Variants in CTNND2 observed in about 807,000 individuals in gnomAD.
CTNND2 encodes the protein catenin delta-2.
CTNND2 carries 22 observed loss-of-function variants against 144.4 expected under a neutral mutation model. That is an observed-to-expected ratio of 0.15 (90% CI 0.11 to 0.22). CTNND2 has a LOEUF of 0.22. Ranked by LOEUF, CTNND2 falls within the 10% of genes least tolerant of loss-of-function variation. CTNND2 has a pLI of 1.00. For missense variants in CTNND2, 1,353 were observed against 1,618.8 expected (o/e 0.84, Z 2.82); for synonymous variants, 751 against 695.6 (o/e 1.08, Z -1.25).
intron 15 of CTNND2, among the ~76,000 whole-genome samples, chr5:11,093,088 A>T (rs1750942813): frequency 6.6e-6 from 1 of 152,248 alleles, no homozygotes; most frequent in Admixed American, 6.5e-5. Flanking sequence ...ATAGATTAAC[A>T]TCCAAGTCTC....
intron 9 of CTNND2, among the ~76,000 whole-genome samples, chr5:11,343,392 G>A (rs527254564): frequency 1.1e-4 from 16 of 152,182 alleles, no homozygotes; most frequent in East Asian, 3.9e-4. Context: ...GGTAGATGCC[G>A]GAAATGAAAA....
chr5:11,637,406 TA>T (rs1271479135), intron 2 of CTNND2, among the ~76,000 whole-genome samples: 3 of 152,236 alleles, frequency 2.0e-5, no homozygotes, highest in Non-Finnish European at 1.5e-5. Flanking sequence ...AAATGTAAGT[TA>T]AAAATAATTT....
chr5:11,268,629 A>G (rs1054520485), intron 9 of CTNND2, among the ~76,000 whole-genome samples: 5 of 152,218 alleles, frequency 3.3e-5, no homozygotes, highest in African/African-American at 1.2e-4. Context: ...TAACATAAAA[A>G]TAACATAGCA....
At chr5:11,738,223 T>G (rs1192740339) in intron 1 of CTNND2, among the ~76,000 whole-genome samples, 1 of 152,214 alleles carries the variant, frequency 6.6e-6, no homozygotes, top group Non-Finnish European at 1.5e-5. Flanking sequence ...TACCCCATTG[T>G]ATGAAATAAG....
intron 1 of CTNND2, among the ~76,000 whole-genome samples, chr5:11,781,267 A>G (rs1790530139): frequency 1.3e-5 from 2 of 152,280 alleles, no homozygotes; most frequent in East Asian, 1.9e-4. Context: ...CTTCAGCCCA[A>G]TTAAAAAAAA....
At chr5:11,871,221 A>G (rs558286117) in intron 1 of CTNND2, among the ~76,000 whole-genome samples, 1 of 152,336 alleles carries the variant, frequency 6.6e-6, no homozygotes, top group East Asian at 1.9e-4. Flanking sequence ...TTCCAAGTCT[A>G]TGGTAACTTG....
rs11744830 is a variant in CTNND2 at position 11,281,185 on chromosome 5, T to C, written c.1629-44362A>G. On this transcript the variant is annotated intron_variant, in intron 9 of 21. Transcript: ENST00000304623. ...TCCTTGGGTAAATGGTTTCTTCACC[T>C]TTAGGAAATAATTGCAGAAGCCCAG... 9.1e-3 allele frequency among the ~76,000 whole-genome samples: 1,386 copies of C among 152,282 alleles called. 14 individuals are homozygous for C. The highest frequency in any genetic ancestry group is 0.037 in the Middle Eastern group (11 of 294).
chr5:11,060,560 C>T (rs1746850034), intron 16 of CTNND2, among the ~76,000 whole-genome samples: 1 of 152,198 alleles, frequency 6.6e-6, no homozygotes, highest in Non-Finnish European at 1.5e-5. Context: ...TGATCAGTCT[C>T]AACTGATTGG....
At chr5:11,443,351 G>A (rs1326075976) in intron 3 of CTNND2, among the ~76,000 whole-genome samples, 1 of 58,576 alleles carries the variant, frequency 1.7e-5, no homozygotes, top group Non-Finnish European at 2.8e-5. Flanking sequence ...GGGAGTGTGT[G>A]GGAGGGTGTG....
At chr5:11,246,791 G>A (rs943315259) in intron 9 of CTNND2, among the ~76,000 whole-genome samples, 31 of 152,076 alleles carry the variant, frequency 2.0e-4, no homozygotes, top group Admixed American at 7.9e-4. Context: ...AGGTGACACC[G>A]GAGCTGAGTG....
intron 3 of CTNND2, among the ~76,000 whole-genome samples, chr5:11,415,512 G>T (rs578073601): frequency 6.6e-6 from 1 of 152,206 alleles, no homozygotes; most frequent in Non-Finnish European, 1.5e-5. Context: ...AGGTCAACAT[G>T]GGAAGATTCT....
intron 14 of CTNND2, among the ~76,000 whole-genome samples, chr5:11,104,188 A>G (rs984719688): frequency 6.6e-6 from 1 of 152,250 alleles, no homozygotes; most frequent in African/African-American, 2.4e-5. Context: ...GTGCAGGCTC[A>G]CTTTCATTTT....
intron 1 of CTNND2, among the ~76,000 whole-genome samples, chr5:11,734,538 A>G (rs1787574028): frequency 6.6e-6 from 1 of 152,222 alleles, no homozygotes; most frequent in African/African-American, 2.4e-5. Context: ...TTAACTGAGG[A>G]TATTTACCAA....
intron 3 of CTNND2, among the ~76,000 whole-genome samples, chr5:11,417,946 A>C (rs1762051224): frequency 1.3e-5 from 2 of 152,186 alleles, no homozygotes; most frequent in African/African-American, 4.8e-5. Context: ...ACTACATATC[A>C]TATATGAGGG....
chr5:11,796,365 C>A (rs1421275350), intron 1 of CTNND2, among the ~76,000 whole-genome samples: 2 of 152,196 alleles, frequency 1.3e-5, no homozygotes, highest in African/African-American at 4.8e-5. Flanking sequence ...CAATTACTTC[C>A]CTAGAAACTA....
At chr5:11,296,902 G>A (rs570090054) in intron 9 of CTNND2, among the ~76,000 whole-genome samples, 3 of 152,182 alleles carry the variant, frequency 2.0e-5, no homozygotes, top group South Asian at 2.1e-4. Context: ...GTTAATGGGC[G>A]CAGCACACCA....
chr5:11,111,670 G>A (rs1191473826), intron 13 of CTNND2, among the ~76,000 whole-genome samples: 1 of 152,180 alleles, frequency 6.6e-6, no homozygotes, highest in African/African-American at 2.4e-5. Context: ...GACACCTGTA[G>A]AACCCTAGGT....
intron 15 of CTNND2, among the ~76,000 whole-genome samples, chr5:11,096,591 A>G (rs1452254530): frequency 6.6e-6 from 1 of 152,048 alleles, no homozygotes; most frequent in African/African-American, 2.4e-5. Context: ...TATTTTTCCT[A>G]TTTCTACTTT....
chr5:11,044,111 C>T (rs1369001126), intron 16 of CTNND2, among the ~76,000 whole-genome samples: 2 of 152,164 alleles, frequency 1.3e-5, no homozygotes, highest in African/African-American at 4.8e-5. Context: ...CTCTGATGGT[C>T]CTGCCTGTCT....
Sources: allele counts gnomAD v4.1 joint callset (sites outside exome capture counted in the v4.1 genomes callset), GRCh38; gene constraint gnomAD v4.1.1; transcripts MANE v1.5; gene names NCBI Gene and HGNC (gene_info 2026-07-23, HGNC 2026-07-21).